Variants in FAM227B observed in about 807,000 individuals in gnomAD.
The protein encoded by FAM227B is protein FAM227B.
Under a neutral mutation model 73.8 loss-of-function variants are expected in FAM227B, and 88 were observed. The observed-to-expected ratio is 1.19, with a 90% CI of 1.00 to 1.42. FAM227B has a LOEUF of 1.42. Ranked by LOEUF, FAM227B falls within the 40% of genes most tolerant of loss-of-function variation. The probability of loss-of-function intolerance (pLI) is 0.00; values close to 1 mark genes in which losing one functional copy is unlikely to be tolerated. For synonymous variants in FAM227B, 210 were observed against 190.5 expected, an observed-to-expected ratio of 1.10 and a Z score of -0.84; for missense variants, 632 against 590.9, an observed-to-expected ratio of 1.07 and a Z score of -0.72.
chr15:49,415,386 A>G (rs1377465195), intron 11 of FAM227B, among the ~76,000 whole-genome samples: 1 of 152,212 alleles, frequency 6.6e-6, no homozygotes, highest in Non-Finnish European at 1.5e-5. Context: ...GAAGCTGTCA[A>G]AACTAGGTAC....
Position 49,483,307 on chromosome 15 carries a change from A to T in FAM227B, c.1012+24904T>A, listed in dbSNP as rs2152022358. 6 of 871,136 alleles carry T rather than the reference A, an allele frequency of 6.9e-6. No individual in the cohort carries two copies. The South Asian group carries it at 8.3e-5, about 12-fold the overall frequency. The allele number at this position is 871,136 out of a possible 1,614,324, so 54.0% of individuals were successfully genotyped here. A position where few individuals can be genotyped will look rare whatever the true frequency, so the allele number is the denominator to read the frequency against. Reference sequence around the variant, plus strand: ...ATTTTTAAAACTCATTTTTGTCAAAATATCTCACCTTTCTGAAAAGTAAAA... The same window carrying T: ...ATTTTTAAAACTCATTTTTGTCAAATTATCTCACCTTTCTGAAAAGTAAAA... On this transcript the variant is annotated intron_variant, in intron 11 of 15. Transcript: ENST00000299338.
intron 11 of FAM227B, chr15:49,434,366 G>C (rs1300546716): frequency 2.0e-5 from 3 of 151,270 alleles, no homozygotes; most frequent in Admixed American, 6.6e-5. Context: ...CAAATATACA[G>C]TCCATGCTTT....
At chr15:49,341,139 C>T (rs1487835419) in intron 13 of FAM227B, among the ~76,000 whole-genome samples, 1 of 152,100 alleles carries the variant, frequency 6.6e-6, no homozygotes, top group Admixed American at 6.5e-5. Flanking sequence ...GTTGTTGTAC[C>T]AGTACCATGC....
chr15:49,414,287 T>C lies in FAM227B; in HGVS notation c.1013-42888A>G, dbSNP rs1253891862. Among the ~76,000 whole-genome samples the C allele has an allele frequency of 2.0e-5, 3 of 151,612 alleles. No individual in the cohort carries two copies. In the East Asian group the frequency reaches 5.8e-4, roughly 30 times the overall value. ...TCTTGGGTTCCTCATGCAGACTGAATATATAAGAGAAAGAGATGGGGAGAT... is the reference window on the plus strand; with the variant it reads ...TCTTGGGTTCCTCATGCAGACTGAACATATAAGAGAAAGAGATGGGGAGAT... On this transcript the variant is annotated intron_variant, in intron 11 of 15. Transcript: ENST00000299338.
At chr15:49,384,166 GA>G (rs2046724458) in intron 11 of FAM227B, among the ~76,000 whole-genome samples, 1 of 152,008 alleles carries the variant, frequency 6.6e-6, no homozygotes, top group Admixed American at 6.6e-5. Flanking sequence ...TAAGAATTCA[GA>G]AGAAACTAGA....
intron 9 of FAM227B, among the ~76,000 whole-genome samples, chr15:49,555,289 G>A (rs1249388188): frequency 6.6e-6 from 1 of 152,162 alleles, no homozygotes; most frequent in East Asian, 1.9e-4. Flanking sequence ...ATCTGAAAAG[G>A]AGCTTATTTC....
chr15:49,532,042 T>A (rs940289303), intron 10 of FAM227B, among the ~76,000 whole-genome samples: 1 of 149,102 alleles, frequency 6.7e-6, no homozygotes, highest in Non-Finnish European at 1.5e-5. Context: ...ATATAGCTAT[T>A]TAAGGGAATA....
At chr15:49,387,768 C>T (rs906850117) in intron 11 of FAM227B, among the ~76,000 whole-genome samples, 6 of 151,670 alleles carry the variant, frequency 4.0e-5, no homozygotes, top group Admixed American at 6.6e-5. Context: ...ATTTAATAAA[C>T]GAATTCAGTA....
chr15:49,354,214 T>A (rs1441841014), intron 13 of FAM227B, among the ~76,000 whole-genome samples: 1 of 152,176 alleles, frequency 6.6e-6, no homozygotes, highest in East Asian at 1.9e-4. Context: ...ACTATTTACA[T>A]GTTTAAAAAG....
chr15:49,525,126 G>A (rs1246452105), intron 10 of FAM227B, among the ~76,000 whole-genome samples: 12 of 152,046 alleles, frequency 7.9e-5, no homozygotes, highest in Admixed American at 1.3e-4. Context: ...GGAGGGAATC[G>A]GGGTAAAATG....
chr15:49,611,235 A>G lies in FAM227B; in HGVS notation c.85T>C (p.Phe29Leu). Residue 29 changes from phenylalanine (F) to leucine (L), a missense_variant, in exon 3 of 16, where the codon TTC becomes CTC. Phe to Leu is a conservative substitution (Grantham distance 22). Transcript: ENST00000299338. ...MQEPPKSIEE[F>L]LKFQNWDYWP... ...CTCACCCAATTTTGAAACTTTAAGA[A>G]TTCTTCAATGCTCTTTGGAGGTTCT... The G allele has an allele frequency of 6.3e-7, 1 of 1,593,058 alleles. No homozygotes were observed. The highest frequency in any genetic ancestry group is 8.6e-7 in the Non-Finnish European group (1 of 1,164,074).
At chr15:49,612,691 C>CATTTTTTTTTATTATTTTTTATTTA (rs2078022042) in intron 2 of FAM227B, among the ~76,000 whole-genome samples, 2 of 152,010 alleles carry the variant, frequency 1.3e-5, no homozygotes, top group African/African-American at 4.8e-5. Context: ...GATGATATCA[C>CATTTTTTTTTATTATTTTTTATTTA]TGAAAAGATT....
At chr15:49,347,674 T>C (rs903740396) in intron 13 of FAM227B, among the ~76,000 whole-genome samples, 1 of 152,166 alleles carries the variant, frequency 6.6e-6, no homozygotes, top group Admixed American at 6.5e-5. Flanking sequence ...TGCTACTTTG[T>C]TAAAGAAGTC....
intron 13 of FAM227B, among the ~76,000 whole-genome samples, chr15:49,362,849 C>G (rs920604681): frequency 2.0e-5 from 3 of 152,044 alleles, no homozygotes; most frequent in Admixed American, 6.6e-5. Context: ...ATATAGCTAG[C>G]CAGTTTCCCA....
At chr15:49,523,901 G>A (rs900459500) in intron 10 of FAM227B, among the ~76,000 whole-genome samples, 7 of 152,296 alleles carry the variant, frequency 4.6e-5, no homozygotes, top group East Asian at 1.9e-4. Context: ...GTGGAACTTC[G>A]AACTTGAGAG....
intron 9 of FAM227B, among the ~76,000 whole-genome samples, chr15:49,550,274 A>G (rs1219113931): frequency 9.5e-6 from 1 of 105,500 alleles, no homozygotes; most frequent in Non-Finnish European, 1.9e-5. Context: ...ACTTCCCAGT[A>G]GGGGCGGCCG....
At chr15:49,371,514 C>T in intron 11 of FAM227B, 115 bp from the exon 12 acceptor site, 1 of 534,360 alleles carries the variant, frequency 1.9e-6, no homozygotes, top group Non-Finnish European at 3.3e-6. Flanking sequence ...GAAAGGCAAA[C>T]ATGGATAAAG....
intron 11 of FAM227B, among the ~76,000 whole-genome samples, chr15:49,392,247 AAACT>A (rs1449215121): frequency 3.3e-5 from 5 of 152,190 alleles, no homozygotes; most frequent in African/African-American, 1.2e-4. Context: ...CATTTGCAAG[AAACT>A]AACAGAATTT....
At chr15:49,596,156 C>G (rs548828390) in intron 3 of FAM227B, among the ~76,000 whole-genome samples, 168 of 152,006 alleles carry the variant, frequency 1.1e-3, no homozygotes, top group Middle Eastern at 6.8e-3. Context: ...CCTAGGCACA[C>G]AGTCATTAGG....
Sources: gnomAD v4.1 joint callset for allele counts (sites outside exome capture counted in the v4.1 genomes callset) on GRCh38, gnomAD v4.1.1 for gene constraint, MANE v1.5 for transcripts, NCBI Gene and HGNC (gene_info 2026-07-23, HGNC 2026-07-21) for gene names.